The following SLC22A14 variants were observed in gnomAD, a reference collection of about 807,000 sequenced individuals.
SLC22A14 encodes the protein solute carrier family 22 member 14.
A neutral mutation model predicts 53.9 loss-of-function variants in SLC22A14; 50 were observed. The observed-to-expected ratio is 0.93, with a 90% CI of 0.74 to 1.17. The LOEUF is 1.17. Among genes scored for constraint, SLC22A14 ranks in the 50% most tolerant of loss-of-function variants. The pLI is 0.00. For missense variants in SLC22A14, 671 were observed against 734.7 expected, an observed-to-expected ratio of 0.91 and a Z score of 1.00; for synonymous variants, 312 against 303.0, an observed-to-expected ratio of 1.03 and a Z score of -0.31.
intron 4 of SLC22A14, among the ~76,000 whole-genome samples, chr3:38,308,683 TCAGA>T (rs1276353547): frequency 6.6e-6 from 1 of 152,164 alleles, no homozygotes; most frequent in Non-Finnish European, 1.5e-5. Flanking sequence ...AGGCACGTGG[TCAGA>T]CAGGGGATGT....
At chr3:38,296,926 C>T (rs114242315) in intron 1 of SLC22A14, among the ~76,000 whole-genome samples, 1,530 of 152,266 alleles carry the variant, frequency 0.01, 11 homozygotes, top group Non-Finnish European at 0.014. Context: ...GGGTCTGTGA[C>T]GGCGACAAAC....
At chr3:38,279,947 G>A (rs1703630570), upstream of SLC22A14, among the ~76,000 whole-genome samples, 1 of 152,194 alleles carries the variant, frequency 6.6e-6, no homozygotes, top group African/African-American at 2.4e-5. Context: ...GGTAAGCAAA[G>A]AAACAACTTG....
intron 1 of SLC22A14, among the ~76,000 whole-genome samples, chr3:38,286,565 C>T (rs1289872083): frequency 6.6e-6 from 1 of 151,918 alleles, no homozygotes; most frequent in Non-Finnish European, 1.5e-5. Flanking sequence ...CGTGTGCCAC[C>T]ACGCCTGGCT....
intron 8 of SLC22A14, 84 bp downstream of exon 8, chr3:38,314,025 C>A: frequency 9.0e-7 from 1 of 1,117,080 alleles, no homozygotes. Flanking sequence ...CCACGGCCGG[C>A]CACCTAGACA....
Position 38,318,502 on chromosome 3 carries a change from T to TAA in SLC22A14, c.*260_*261dup, listed in dbSNP as rs3216085. ...CTTCTCCCAGGCCAGCCCTTGACAT[T>TAA]AAAAAAAATGCCCCCTCCTTCTGCA... is the stretch of plus-strand genomic sequence containing the variant. On this transcript the variant is annotated 3_prime_UTR_variant, in exon 11 of 11. Transcript: ENST00000448498. 4.8e-3 allele frequency: 1,656 copies of TAA among 341,706 alleles called. No individual in the cohort carries two copies. Among genetic ancestry groups the TAA allele is most frequent in the South Asian group, 7.4e-3 (115 of 15,568 alleles). The allele number at this position is 341,706 out of a possible 1,614,324, so 21.2% of individuals were successfully genotyped here.
intron 1 of SLC22A14, among the ~76,000 whole-genome samples, chr3:38,284,230 C>T (rs898278359): frequency 8.5e-5 from 13 of 152,178 alleles, no homozygotes; most frequent in African/African-American, 2.7e-4. Flanking sequence ...CATCCCTGTC[C>T]GCCCTGTCCG....
intron 5 of SLC22A14, among the ~76,000 whole-genome samples, chr3:38,312,662 T>C (rs1704499603): frequency 6.6e-6 from 1 of 152,122 alleles, no homozygotes; most frequent in East Asian, 1.9e-4. Context: ...GTCGGAGCCC[T>C]CAGCATGCCT....
chr3:38,310,249 A>G (rs527270200), intron 5 of SLC22A14, among the ~76,000 whole-genome samples: 2 of 152,124 alleles, frequency 1.3e-5, no homozygotes, highest in African/African-American at 4.8e-5. Context: ...ATGGTGGCAC[A>G]CACTTGTAGT....
chr3:38,315,108 C>T (rs1297911321), intron 8 of SLC22A14, among the ~76,000 whole-genome samples: 3 of 152,240 alleles, frequency 2.0e-5, no homozygotes, highest in African/African-American at 7.2e-5. Context: ...GGAGCCATCC[C>T]AGCCATTCAG....
chr3:38,313,361 C>T, intron 6 of SLC22A14, 27 bp from the exon 7 acceptor site: 1 of 1,576,438 alleles, frequency 6.3e-7, no homozygotes, highest in East Asian at 2.2e-5. Flanking sequence ...TTGGCCCTGC[C>T]TCTGACTGGT....
At position 38,307,679 on chromosome 3, in the gene SLC22A14, C is replaced by A; in HGVS notation, c.734C>A (p.Ser245Ter). 6.2e-7 allele frequency: 1 copy of A among 1,614,212 alleles called. No individual in the cohort carries two copies. The highest frequency in any genetic ancestry group is 8.5e-7 in the Non-Finnish European group (1 of 1,180,040). ...HLYLFFRFGI[S>*]QSVVGYAISS... ...TATTTGTTCTTTCGCTTTGGCATCT[C>A]GCAGTCAGTGGTGGGCTACGCCATC... The change falls in exon 4 of 11, where the codon TCG (serine) becomes TAG (stop). Residue 245 changes from serine (S) to a stop codon, truncating the protein, a stop_gained. Transcript: ENST00000448498. LOFTEE classifies it high-confidence loss of function. This position sits in a 1 kb window ranked among gnomAD's most constrained non-coding sequence, Gnocchi z 4.4.
At chr3:38,309,684 C>T (rs768847855) in intron 5 of SLC22A14, among the ~76,000 whole-genome samples, 16 of 151,636 alleles carry the variant, frequency 1.1e-4, no homozygotes, top group Non-Finnish European at 1.8e-4. Flanking sequence ...GGGCAAAACT[C>T]GGAGGAATAA....
intron 1 of SLC22A14, among the ~76,000 whole-genome samples, chr3:38,302,255 T>C (rs915384848): frequency 5.5e-4 from 81 of 146,890 alleles, no homozygotes; most frequent in African/African-American, 2.0e-3. Context: ...AGTATATATA[T>C]ATACATATAT....
chr3:38,309,899 G>A (rs1398195635), intron 5 of SLC22A14, among the ~76,000 whole-genome samples: 1 of 152,128 alleles, frequency 6.6e-6, no homozygotes, highest in African/African-American at 2.4e-5. Flanking sequence ...TCTAGAAGAA[G>A]TATGCTATTC....
intron 1 of SLC22A14, among the ~76,000 whole-genome samples, chr3:38,302,310 T>TTATATATATACATATATATTTATATATA (rs1559548538): frequency 2.8e-5 from 4 of 144,806 alleles, no homozygotes; most frequent in South Asian, 2.1e-4. Flanking sequence ...ACATATATAT[T>TTATATATATACATATATATTTATATATA]TATATATATA....
chr3:38,302,231 T>C (rs1015757499), intron 1 of SLC22A14, among the ~76,000 whole-genome samples: 8 of 142,860 alleles, frequency 5.6e-5, no homozygotes, highest in African/African-American at 7.7e-5. Flanking sequence ...TGAGACTCTG[T>C]CTCAAAAAAA....
At chr3:38,292,767 C>T (rs1030322683) in intron 1 of SLC22A14, among the ~76,000 whole-genome samples, 6 of 152,134 alleles carry the variant, frequency 3.9e-5, no homozygotes, top group African/African-American at 1.4e-4. Context: ...GGTGTTCCTT[C>T]TCCTATGTTC....
At chr3:38,312,538 C>G (rs59675141) in intron 5 of SLC22A14, among the ~76,000 whole-genome samples, 19 of 152,308 alleles carry the variant, frequency 1.2e-4, no homozygotes, top group African/African-American at 4.3e-4. Context: ...GCACTGGGGT[C>G]AGACCCAGGG....
intron 6 of SLC22A14, 58 bp downstream of exon 6, chr3:38,313,177 C>T: frequency 1.9e-6 from 3 of 1,592,114 alleles, no homozygotes; most frequent in East Asian, 2.3e-5. Context: ...AGGGCCCCTT[C>T]CCTCCTCATC....
Sources: allele counts gnomAD v4.1 joint callset (sites outside exome capture counted in the v4.1 genomes callset), GRCh38; gene constraint gnomAD v4.1.1; non-coding constraint Gnocchi (gnomAD v3.1); transcripts MANE v1.5; gene names NCBI Gene and HGNC (gene_info 2026-07-23, HGNC 2026-07-21).